APBB1IP: variants seen among roughly 807,000 people sequenced by gnomAD.
APBB1IP encodes amyloid beta A4 precursor protein-binding family B member 1-interacting protein.
APBB1IP carries 27 observed loss-of-function variants against 64.9 expected under a neutral mutation model. The observed-to-expected ratio is 0.42, with a 90% CI of 0.31 to 0.57. The LOEUF is 0.57. APBB1IP is among the 20% of genes least tolerant of loss of function. The pLI, the probability that APBB1IP is intolerant of heterozygous loss-of-function variation, is 0.20. For synonymous variants in APBB1IP, 392 were observed against 331.0 expected (o/e 1.18, Z -2.00); for missense variants, 812 against 845.5 (o/e 0.96, Z 0.49).
rs1179594609 is a variant in APBB1IP at position 26,438,341 on chromosome 10, AG to A, written c.-316del. On this transcript the variant is annotated 5_prime_UTR_variant, in exon 1 of 15. Coordinates refer to ENST00000376236, the MANE Select transcript of APBB1IP (RefSeq NM_019043.4). ...CCGTTGCAACATAAAGCGGCCTCTCAGTCTTTGGTGGAACCATCACTAGGCC... is the reference window on the plus strand; with the variant it reads ...CCGTTGCAACATAAAGCGGCCTCTCATCTTTGGTGGAACCATCACTAGGCC... The A allele has an allele frequency of 6.6e-6, 1 of 152,188 alleles. No homozygotes were observed. Among genetic ancestry groups the A allele is most frequent in the Non-Finnish European group, 1.5e-5 (1 of 68,046 alleles). The allele number at this position is 152,188 out of a possible 1,614,324, so 9.4% of individuals were successfully genotyped here. A position where few individuals can be genotyped will look rare whatever the true frequency, so the allele number is the denominator to read the frequency against.
At chr10:26,551,710 G>A (rs888790427) in intron 11 of APBB1IP, among the ~76,000 whole-genome samples, 3 of 152,052 alleles carry the variant, frequency 2.0e-5, no homozygotes, top group Admixed American at 1.3e-4. Flanking sequence ...TTTCTTTACA[G>A]TATTTTTCAC....
intron 11 of APBB1IP, among the ~76,000 whole-genome samples, chr10:26,545,791 AC>A (rs71403805): frequency 0.61 from 87,833 of 143,644 alleles, 28,452 homozygotes; most frequent in African/African-American, 0.76. Context: ...ACAAAAAAAA[AC>A]CACAAAAATT....
At chr10:26,547,741 G>A (rs975267893) in intron 11 of APBB1IP, among the ~76,000 whole-genome samples, 8 of 152,052 alleles carry the variant, frequency 5.3e-5, no homozygotes, top group Non-Finnish European at 1.2e-4. Flanking sequence ...CACTGCGCCC[G>A]GCCAGTTTTG....
chr10:26,514,143 T>C (rs1317797654), intron 8 of APBB1IP, among the ~76,000 whole-genome samples: 1 of 152,212 alleles, frequency 6.6e-6, no homozygotes, highest in Admixed American at 6.5e-5. Context: ...TTAAGCTATA[T>C]GTACGCTAAC....
At chr10:26,559,431 G>A (rs1836938206) in intron 11 of APBB1IP, among the ~76,000 whole-genome samples, 1 of 151,546 alleles carries the variant, frequency 6.6e-6, no homozygotes, top group Non-Finnish European at 1.5e-5. Flanking sequence ...TTTTCAATTA[G>A]CTGGACATGG....
Position 26,567,343 on chromosome 10 carries a change from C to T in APBB1IP, c.1856C>T (p.Pro619Leu). The T allele has an allele frequency of 1.4e-6, 2 of 1,415,968 alleles. No individual in the cohort carries two copies. The highest frequency in any genetic ancestry group is 1.9e-6 in the Non-Finnish European group (2 of 1,070,044). The allele number at this position is 1,415,968 out of a possible 1,614,324, so 87.7% of individuals were successfully genotyped here. A position where few individuals can be genotyped will look rare whatever the true frequency, so the allele number is the denominator to read the frequency against. ...APAPVPDSARPPPAVAKRPPV... is the reference protein window; with the variant it reads ...APAPVPDSARLPPAVAKRPPV... ...GCCCCCGTCCCCGACTCCGCCAGGC[C>T]GCCCCCCGCGGTGGCCAAGAGGCCT... is the stretch of plus-strand genomic sequence containing the variant. The change falls in exon 15 of 15, where the codon CCG (proline) becomes CTG (leucine). Residue 619 changes from proline to leucine, a missense_variant. This residue lies in a region of APBB1IP where 381 missense variants were observed against 352.1 expected (regional missense o/e 1.08). Transcript: ENST00000376236.
intron 10 of APBB1IP, among the ~76,000 whole-genome samples, chr10:26,537,212 C>A (rs141583934): frequency 6.6e-6 from 1 of 152,068 alleles, no homozygotes; most frequent in Non-Finnish European, 1.5e-5. Flanking sequence ...CTTGGGTACG[C>A]GGAAGCATTT....
chr10:26,567,614 T>C lies in APBB1IP; in HGVS notation c.*126T>C. On this transcript the variant is annotated 3_prime_UTR_variant, in exon 15 of 15. Transcript: ENST00000376236. ...TGTGATGGGAAACTTCTCACTGATG[T>C]GCTCAAGTACAGGCATAACCATTAA... 7.0e-7 allele frequency: 1 copy of C among 1,437,466 alleles called. No individual in the cohort carries two copies. 89.0% of individuals were successfully genotyped at this position (1,437,466 alleles called of 1,614,324 possible).
chr10:26,548,494 C>A (rs1221051477), intron 11 of APBB1IP, among the ~76,000 whole-genome samples: 2 of 152,104 alleles, frequency 1.3e-5, no homozygotes, highest in Admixed American at 6.6e-5. Flanking sequence ...CACGGGATAT[C>A]TTTCCATTTA....
Position 26,560,622 on chromosome 10 carries a change from C to G in APBB1IP, c.1255-108C>G, listed in dbSNP as rs139198103. On this transcript the variant is annotated intron_variant, in intron 12 of 14. Coordinates refer to ENST00000376236, the MANE Select transcript of APBB1IP (RefSeq NM_019043.4). Reference sequence around the variant, plus strand: ...AAAACCAACTCAGACAAGTGGTGAACAGAGTAGCCGTGGAGTATTTATTTC... The same window carrying G: ...AAAACCAACTCAGACAAGTGGTGAAGAGAGTAGCCGTGGAGTATTTATTTC... The G allele has an allele frequency of 4.8e-3, 3,433 of 709,672 alleles. 8 individuals are homozygous for G. The highest frequency in any genetic ancestry group is 6.7e-3 in the Non-Finnish European group (2,996 of 444,922). 44.0% of individuals were successfully genotyped at this position (709,672 alleles called of 1,614,324 possible).
intron 13 of APBB1IP, 51 bp downstream of exon 13, chr10:26,560,895 G>C: frequency 7.2e-7 from 1 of 1,386,816 alleles, no homozygotes; most frequent in South Asian, 1.3e-5. Flanking sequence ...TGGTGCTCCA[G>C]TTCAAAATGT....
At chr10:26,498,092 T>C (rs1234089879) in intron 4 of APBB1IP, among the ~76,000 whole-genome samples, 1 of 152,210 alleles carries the variant, frequency 6.6e-6, no homozygotes, top group Non-Finnish European at 1.5e-5. Flanking sequence ...AGTGACTCTT[T>C]CTTGATAAAT....
In APBB1IP at chr10:26,541,659, T is replaced by C. The variant is rs1282600925; in HGVS notation, c.1122T>C (p.Tyr374=). Reference sequence around the variant, plus strand: ...ATGGGACTCAGCATAAAATGAAATATAAAGCGCCCACTGACTATTGCTTTG... The same window carrying C: ...ATGGGACTCAGCATAAAATGAAATACAAAGCGCCCACTGACTATTGCTTTG... The part of the protein sequence containing the change: ...IYYGTQHKMK[Y]KAPTDYCFVL... The change falls in exon 11 of 15, where the codon TAT becomes TAC. Residue 374 remains tyrosine (Y), a synonymous_variant. Transcript: ENST00000376236. The C allele has an allele frequency of 6.2e-7, 1 of 1,611,596 alleles. No homozygotes were observed. The highest frequency in any genetic ancestry group is 8.5e-7 in the Non-Finnish European group (1 of 1,178,986).
chr10:26,540,528 A>T (rs1013270424), intron 10 of APBB1IP, among the ~76,000 whole-genome samples: 2 of 152,160 alleles, frequency 1.3e-5, no homozygotes, highest in East Asian at 3.9e-4. Flanking sequence ...TTTAAATGTG[A>T]CTAATATGCA....
At chr10:26,513,012 G>T (rs766120243) in intron 7 of APBB1IP, among the ~76,000 whole-genome samples, 14 of 152,174 alleles carry the variant, frequency 9.2e-5, no homozygotes, top group Non-Finnish European at 1.6e-4. Context: ...AGTACACACT[G>T]GCTCTCACAA....
chr10:26,442,445 A>T (rs1835347996), intron 2 of APBB1IP, among the ~76,000 whole-genome samples: 1 of 152,074 alleles, frequency 6.6e-6, no homozygotes, highest in Admixed American at 6.5e-5. Context: ...GATCTTTTTG[A>T]TTTAGTTTCA....
intron 11 of APBB1IP, among the ~76,000 whole-genome samples, chr10:26,549,683 T>C (rs1836807074): frequency 6.6e-6 from 1 of 152,032 alleles, no homozygotes; most frequent in South Asian, 2.1e-4. Context: ...TCTTTCATTT[T>C]ATTTCTTTCA....
Position 26,481,826 on chromosome 10 carries a change from C to CGTGTGT in APBB1IP, c.1-10464_1-10459dup, listed in dbSNP as rs71521683. ...TAAAATGTGGTAGCCCATCTCATTA[C>CGTGTGT]GTGTGTGTGTGTGTGTGTGTGTGTG... is the stretch of plus-strand genomic sequence containing the variant. On this transcript the variant is annotated intron_variant, in intron 2 of 14. Transcript: ENST00000376236. Among the ~76,000 whole-genome samples the CGTGTGT allele has an allele frequency of 4.7e-3, 673 of 143,338 alleles. 4 individuals carry two copies. Among genetic ancestry groups the CGTGTGT allele is most frequent in the African/African-American group, 0.014 (530 of 39,108 alleles). 94.0% of individuals were successfully genotyped at this position (143,338 alleles called of 152,430 possible).
At chr10:26,548,986 T>C (rs1836800113) in intron 11 of APBB1IP, among the ~76,000 whole-genome samples, 1 of 152,252 alleles carries the variant, frequency 6.6e-6, no homozygotes, top group South Asian at 2.1e-4. Context: ...GTTTAACATA[T>C]ATAAACTTTA....
Sources: allele counts gnomAD v4.1 joint callset (sites outside exome capture counted in the v4.1 genomes callset), GRCh38; gene constraint gnomAD v4.1.1; regional missense constraint gnomAD v4.1.1; transcripts MANE v1.5; gene names NCBI Gene and HGNC (gene_info 2026-07-23, HGNC 2026-07-21).